The following TMEM17 variants were observed in gnomAD, a reference collection of about 807,000 sequenced individuals.
TMEM17 encodes the protein transmembrane protein 17.
A neutral mutation model predicts 19.1 loss-of-function variants in TMEM17; 15 were observed. The ratio of observed to expected loss-of-function variants is 0.78; its 90% CI spans 0.52 to 1.21. The LOEUF is 1.21. Ranked by LOEUF, TMEM17 falls within the 50% of genes most tolerant of loss-of-function variation. The pLI is 0.00. For synonymous variants in TMEM17, 103 were observed against 86.9 expected (o/e 1.19, Z -1.03); for missense variants, 245 against 242.3 (o/e 1.01, Z -0.07).
chr2:62,487,933 G>A, the TMEM17 span, among the ~76,000 whole-genome samples: 1 of 152,210 alleles, frequency 6.6e-6, no homozygotes, highest in Admixed American at 6.5e-5. Context: ...GACCTGAGGT[G>A]ATCCGCCTGC....
downstream of TMEM17, among the ~76,000 whole-genome samples, chr2:62,496,138 A>G (rs1200849300): frequency 1.3e-5 from 2 of 152,174 alleles, no homozygotes; most frequent in Non-Finnish European, 2.9e-5. Flanking sequence ...TCAGAAATAC[A>G]AAGACAAATG....
chr2:62,500,125 G>C (rs1558721628), downstream of TMEM17: 1 of 152,164 alleles, frequency 6.6e-6, no homozygotes, highest in South Asian at 2.1e-4. Flanking sequence ...TACATAGAAA[G>C]TTCTCTAGGA....
At chr2:62,467,660 G>A in the TMEM17 span, among the ~76,000 whole-genome samples, 1 of 152,180 alleles carries the variant, frequency 6.6e-6, no homozygotes, top group Non-Finnish European at 1.5e-5. Context: ...GTGTCCCTTT[G>A]GTTGAAAGTC....
downstream of TMEM17, among the ~76,000 whole-genome samples, chr2:62,498,467 A>G (rs1222483912): frequency 1.3e-5 from 2 of 151,330 alleles, no homozygotes; most frequent in African/African-American, 2.4e-5. Flanking sequence ...CTGTAATCCC[A>G]GCACTTTGGG....
chr2:62,504,902 T>C (rs1319609384), intron 1 of TMEM17, among the ~76,000 whole-genome samples: 1 of 152,204 alleles, frequency 6.6e-6, no homozygotes, highest in Non-Finnish European at 1.5e-5. Flanking sequence ...GTGGAGACCA[T>C]ATGGCCTACA....
chr2:62,465,083 C>T, the TMEM17 span, among the ~76,000 whole-genome samples: 1 of 152,114 alleles, frequency 6.6e-6, no homozygotes, highest in Non-Finnish European at 1.5e-5. Flanking sequence ...GTCTAGTCCC[C>T]AGGCAGGGAG....
chr2:62,454,680 C>A, the TMEM17 span, among the ~76,000 whole-genome samples: 1 of 152,268 alleles, frequency 6.6e-6, no homozygotes, highest in East Asian at 1.9e-4. Flanking sequence ...AAACAAAAAA[C>A]CCAGCTTTAT....
chr2:62,492,570 G>GA, the TMEM17 span, among the ~76,000 whole-genome samples: 1 of 152,262 alleles, frequency 6.6e-6, no homozygotes, highest in South Asian at 2.1e-4. Flanking sequence ...GAAAGTTTAT[G>GA]AAAAAAAGCT....
downstream of TMEM17, among the ~76,000 whole-genome samples, chr2:62,495,629 A>C (rs1679758139): frequency 6.6e-6 from 1 of 150,990 alleles, no homozygotes; most frequent in African/African-American, 2.5e-5. Flanking sequence ...AACATATTAC[A>C]TGCTAACCAA....
At chr2:62,469,736 A>G in the TMEM17 span, among the ~76,000 whole-genome samples, 1 of 152,254 alleles carries the variant, frequency 6.6e-6, no homozygotes, top group African/African-American at 2.4e-5. Flanking sequence ...GCTCCTGAGC[A>G]TAGGAAAGTG....
chr2:62,470,505 A>G, the TMEM17 span, among the ~76,000 whole-genome samples: 2 of 152,366 alleles, frequency 1.3e-5, no homozygotes, highest in South Asian at 2.1e-4. Flanking sequence ...AGGTGAGTGC[A>G]GTGTCGATAG....
chr2:62,474,860 C>A, the TMEM17 span, among the ~76,000 whole-genome samples: 1 of 152,140 alleles, frequency 6.6e-6, no homozygotes, highest in Non-Finnish European at 1.5e-5. Flanking sequence ...CCCACCCCTG[C>A]AAATAGGCTT....
the TMEM17 span, among the ~76,000 whole-genome samples, chr2:62,481,254 A>C: frequency 6.6e-6 from 1 of 152,046 alleles, no homozygotes; most frequent in East Asian, 1.9e-4. Flanking sequence ...TGTTCATTGC[A>C]TATAGAAACA....
chr2:62,462,472 G>T, the TMEM17 span, among the ~76,000 whole-genome samples: 1 of 152,114 alleles, frequency 6.6e-6, no homozygotes, highest in East Asian at 1.9e-4. Context: ...CAGATGAGAA[G>T]AAAAATCCAC....
At chr2:62,454,535 C>T in the TMEM17 span, among the ~76,000 whole-genome samples, 1 of 152,058 alleles carries the variant, frequency 6.6e-6, no homozygotes, top group Non-Finnish European at 1.5e-5. Context: ...GGGCCATAGT[C>T]CCCAGGTGTG....
At chr2:62,495,632 C>G (rs1679758180), downstream of TMEM17, among the ~76,000 whole-genome samples, 1 of 150,318 alleles carries the variant, frequency 6.7e-6, no homozygotes, top group Non-Finnish European at 1.5e-5. Flanking sequence ...ATATTACATG[C>G]TAACCAATTT....
chr2:62,502,769 T>C lies in TMEM17; in HGVS notation c.126A>G (p.Ala42=). 1 of 1,602,818 alleles carries C rather than the reference T, an allele frequency of 6.2e-7. No individual in the cohort carries two copies. Among genetic ancestry groups the C allele is most frequent in the Non-Finnish European group, 8.5e-7 (1 of 1,174,612 alleles). Residue 42 remains alanine (A), a synonymous_variant, in exon 2 of 4, where the codon GCA becomes GCG. Coordinates refer to ENST00000335390, the MANE Select transcript of TMEM17 (RefSeq NM_198276.3). ...GPENEMVSSL[A]LQMSLYFNTY... ...TATTAAAATAAAGTGACATCTGCAGTGCCAAACTGGAGACCATTTCATTTT... is the reference window on the plus strand; with the variant it reads ...TATTAAAATAAAGTGACATCTGCAGCGCCAAACTGGAGACCATTTCATTTT...
the TMEM17 span, among the ~76,000 whole-genome samples, chr2:62,461,832 C>T: frequency 2.6e-5 from 4 of 152,358 alleles, no homozygotes; most frequent in African/African-American, 9.6e-5. Flanking sequence ...GGTGAAGATA[C>T]TGCCTGTAAT....
chr2:62,475,907 G>A, the TMEM17 span, among the ~76,000 whole-genome samples: 2 of 145,638 alleles, frequency 1.4e-5, no homozygotes, highest in East Asian at 1.9e-4. Flanking sequence ...GGATGGGGGC[G>A]GGGAGGCAGT....
Sources: gnomAD v4.1 joint callset for allele counts (sites outside exome capture counted in the v4.1 genomes callset) on GRCh38, gnomAD v4.1.1 for gene constraint, MANE v1.5 for transcripts, NCBI Gene and HGNC (gene_info 2026-07-23, HGNC 2026-07-21) for gene names.